The following HS3ST4 variants were observed in gnomAD, a reference collection of about 807,000 sequenced individuals.
HS3ST4 encodes the protein heparan sulfate glucosamine 3-O-sulfotransferase 4.
A neutral mutation model predicts 29.2 loss-of-function variants in HS3ST4; 17 were observed. The ratio of observed to expected loss-of-function variants is 0.58; its 90% CI spans 0.40 to 0.87. HS3ST4 has a LOEUF of 0.87. HS3ST4 is among the 40% of genes least tolerant of loss of function. The probability of loss-of-function intolerance (pLI) is 0.00; values close to 1 mark genes in which losing one functional copy is unlikely to be tolerated. For synonymous variants in HS3ST4, 314 were observed against 285.7 expected, an observed-to-expected ratio of 1.10 and a Z score of -1.00; for missense variants, 627 against 634.5, an observed-to-expected ratio of 0.99 and a Z score of 0.13.
At chr16:26,102,547 G>A (rs1450960820) in intron 1 of HS3ST4, among the ~76,000 whole-genome samples, 2 of 152,054 alleles carry the variant, frequency 1.3e-5, no homozygotes, top group African/African-American at 2.4e-5. Flanking sequence ...TGAAACAGCT[G>A]TCCCTTGGGC....
intron 1 of HS3ST4, among the ~76,000 whole-genome samples, chr16:25,735,427 C>T (rs1966601811): frequency 6.6e-6 from 1 of 151,256 alleles, no homozygotes; most frequent in Non-Finnish European, 1.5e-5. Context: ...CTTTATTTGT[C>T]ACCCAGGCTA....
intron 1 of HS3ST4, among the ~76,000 whole-genome samples, chr16:25,774,623 G>A (rs1407032773): frequency 6.6e-6 from 1 of 152,210 alleles, no homozygotes; most frequent in Non-Finnish European, 1.5e-5. Context: ...TCTGCAAAAA[G>A]TGAGGATAAT....
chr16:25,939,424 G>A (rs1968551953), intron 1 of HS3ST4, among the ~76,000 whole-genome samples: 2 of 151,308 alleles, frequency 1.3e-5, no homozygotes, highest in Non-Finnish European at 2.9e-5. Context: ...CACAACCTCC[G>A]CCTCCCAGGT....
chr16:25,875,055 C>T (rs1212362686), intron 1 of HS3ST4, among the ~76,000 whole-genome samples: 1 of 152,128 alleles, frequency 6.6e-6, no homozygotes, highest in Non-Finnish European at 1.5e-5. Context: ...GGTTTATTAT[C>T]ACTGAATAAA....
At chr16:25,856,090 C>T (rs548567875) in intron 1 of HS3ST4, among the ~76,000 whole-genome samples, 8 of 152,210 alleles carry the variant, frequency 5.3e-5, no homozygotes, top group Non-Finnish European at 8.8e-5. Flanking sequence ...AGGGACCTTC[C>T]TCTGCTTTTC....
intron 1 of HS3ST4, among the ~76,000 whole-genome samples, chr16:26,021,063 A>G (rs72778354): frequency 1.6e-3 from 246 of 152,304 alleles, no homozygotes; most frequent in Non-Finnish European, 2.8e-3. Flanking sequence ...TAATATTTGA[A>G]CATTTGGAGT....
intron 1 of HS3ST4, among the ~76,000 whole-genome samples, chr16:25,928,722 C>G (rs1006745689): frequency 6.6e-6 from 1 of 152,120 alleles, no homozygotes; most frequent in East Asian, 1.9e-4. Flanking sequence ...AAATGTTTTC[C>G]CTGAACCCTC....
At chr16:25,857,783 T>C (rs1967588617) in intron 1 of HS3ST4, among the ~76,000 whole-genome samples, 1 of 152,100 alleles carries the variant, frequency 6.6e-6, no homozygotes, top group Non-Finnish European at 1.5e-5. Flanking sequence ...CATACACATA[T>C]ATAATTCTAC....
intron 1 of HS3ST4, among the ~76,000 whole-genome samples, chr16:25,879,289 T>G (rs757487378): frequency 2.0e-5 from 3 of 152,160 alleles, no homozygotes; most frequent in Non-Finnish European, 4.4e-5. Context: ...ACTTAATCCT[T>G]TCAACAAAAA....
At chr16:26,072,217 A>C (rs1208221396) in intron 1 of HS3ST4, among the ~76,000 whole-genome samples, 1 of 152,182 alleles carries the variant, frequency 6.6e-6, no homozygotes, top group Admixed American at 6.5e-5. Context: ...CTGCTCTCAG[A>C]AAACATTTGA....
intron 1 of HS3ST4, among the ~76,000 whole-genome samples, chr16:25,896,355 C>G (rs1396297288): frequency 6.6e-6 from 1 of 152,112 alleles, no homozygotes; most frequent in African/African-American, 2.4e-5. Context: ...ACAGACACTT[C>G]TCAAAAGAAG....
At chr16:25,913,930 G>T (rs1420529074) in intron 1 of HS3ST4, among the ~76,000 whole-genome samples, 1 of 149,194 alleles carries the variant, frequency 6.7e-6, no homozygotes, top group Non-Finnish European at 1.5e-5. Context: ...GTAGGGAGAG[G>T]CTATGTGTGT....
intron 1 of HS3ST4, among the ~76,000 whole-genome samples, chr16:25,793,798 C>T (rs1249562834): frequency 1.3e-5 from 2 of 151,858 alleles, no homozygotes; most frequent in Non-Finnish European, 2.9e-5. Context: ...ATTATATAAA[C>T]ATTTCTTTTT....
chr16:25,783,230 C>G (rs8048797), intron 1 of HS3ST4, among the ~76,000 whole-genome samples: 3,679 of 152,152 alleles, frequency 0.024, 163 homozygotes, highest in African/African-American at 0.085. Context: ...ATCTAATTAT[C>G]ACTTTAACCA....
intron 1 of HS3ST4, among the ~76,000 whole-genome samples, chr16:25,804,346 G>A (rs1567243504): frequency 1.3e-5 from 2 of 152,156 alleles, no homozygotes; most frequent in South Asian, 2.1e-4. Flanking sequence ...TGCTCAACGA[G>A]GTGATGAAAT....
intron 1 of HS3ST4, among the ~76,000 whole-genome samples, chr16:26,088,279 A>G (rs1898813718): frequency 6.6e-6 from 1 of 152,218 alleles, no homozygotes; most frequent in African/African-American, 2.4e-5. Context: ...AAGTCTTCCC[A>G]GTCCTCCCAG....
At chr16:25,961,372 G>A (rs1968791404) in intron 1 of HS3ST4, among the ~76,000 whole-genome samples, 1 of 152,120 alleles carries the variant, frequency 6.6e-6, no homozygotes, top group Non-Finnish European at 1.5e-5. Flanking sequence ...TGCATCTTTG[G>A]CATTTGCAAC....
At chr16:25,718,098 C>T (rs976140607) in intron 1 of HS3ST4, among the ~76,000 whole-genome samples, 51 of 152,234 alleles carry the variant, frequency 3.4e-4, no homozygotes, top group East Asian at 7.7e-4. Flanking sequence ...GTTTTATTCA[C>T]CAAGACAAAC....
At chr16:25,985,987 T>C (rs1969058710) in intron 1 of HS3ST4, among the ~76,000 whole-genome samples, 1 of 152,186 alleles carries the variant, frequency 6.6e-6, no homozygotes, top group South Asian at 2.1e-4. Flanking sequence ...AACTGGCCCT[T>C]CCTTTCCCCT....
Sources: gnomAD v4.1 joint callset for allele counts (sites outside exome capture counted in the v4.1 genomes callset) on GRCh38, gnomAD v4.1.1 for gene constraint, MANE v1.5 for transcripts, NCBI Gene and HGNC (gene_info 2026-07-23, HGNC 2026-07-21) for gene names.